The following SPG11 variants were observed in gnomAD, a reference collection of about 807,000 sequenced individuals.
SPG11 encodes SPG11 vesicle trafficking associated, spatacsin.
In SPG11, 222 loss-of-function variants were observed where a neutral mutation model predicts 274.0. The ratio of observed to expected loss-of-function variants is 0.81; its 90% CI spans 0.73 to 0.91. The LOEUF (loss-of-function observed/expected upper bound fraction) is 0.91, where lower values mean the gene tolerates loss of function less well. Ranked by LOEUF, SPG11 falls within the 40% of genes least tolerant of loss-of-function variation. The pLI is 0.00. For synonymous variants in SPG11, 1,144 were observed against 1,039.7 expected (o/e 1.10, Z -1.93); for missense variants, 3,114 against 2,872.7 (o/e 1.08, Z -1.92).
At chr15:44,631,388 G>A (rs2084055534) in intron 8 of SPG11, among the ~76,000 whole-genome samples, 1 of 152,146 alleles carries the variant, frequency 6.6e-6, no homozygotes, top group South Asian at 2.1e-4. Context: ...TTTACAGAGT[G>A]TCAAAGGACA....
chr15:44,626,235 CT>C, intron 11 of SPG11, 95 bp downstream of exon 11: 1 of 1,061,284 alleles, frequency 9.4e-7, no homozygotes, highest in Non-Finnish European at 1.3e-6. Flanking sequence ...ACATAAATTT[CT>C]TAGTTTATGA....
chr15:44,605,148 A>T (rs957929307), intron 20 of SPG11, among the ~76,000 whole-genome samples: 3 of 152,132 alleles, frequency 2.0e-5, no homozygotes, highest in Non-Finnish European at 2.9e-5. Context: ...AGTTGGAGCC[A>T]TCACAAGAGG....
chr15:44,584,202 G>C lies in SPG11; in HGVS notation c.5478C>G (p.Ile1826Met). Reference protein sequence around the residue: ...EETEPRFSRQISTSGELSFDS... With the variant: ...EETEPRFSRQMSTSGELSFDS... ...CAAAGGAAAGTTCACCACTAGTTGA[G>C]ATCTGTCGAGAAAATCTGGGCTCTG... Residue 1826 changes from isoleucine to methionine, a missense_variant, in exon 30 of 40, where the codon ATC (isoleucine) becomes ATG (methionine). Ile to Met is a conservative substitution (Grantham distance 10). Transcript: ENST00000261866. 6.2e-7 allele frequency: 1 copy of C among 1,614,232 alleles called. No homozygotes were observed. Among genetic ancestry groups the C allele is most frequent in the Non-Finnish European group, 8.5e-7 (1 of 1,180,038 alleles).
intron 28 of SPG11, among the ~76,000 whole-genome samples, chr15:44,587,273 A>AGGG (rs1396929068): frequency 6.6e-6 from 1 of 152,190 alleles, no homozygotes; most frequent in African/African-American, 2.4e-5. Flanking sequence ...ACCATAAGAG[A>AGGG]GGGGCATGAG....
In SPG11 at chr15:44,651,758, T is replaced by C; in HGVS notation, c.1189A>G (p.Asn397Asp). The change falls in exon 6 of 40, where the codon AAT (asparagine) becomes GAT (aspartate). Residue 397 changes from asparagine (N) to aspartate (D), a missense_variant. Transcript: ENST00000261866. The stretch of plus-strand genomic sequence containing the variant: ...TTGGCATGATCTTTCTGTAGAACAT[T>C]ATATTGCCCATGCATTATGTCCTGT... Reference protein sequence around the residue: ...IPQDIMHGQYNVLQKDHAKTS... With the variant: ...IPQDIMHGQYDVLQKDHAKTS... 6.2e-7 allele frequency: 1 copy of C among 1,614,246 alleles called. No individual in the cohort carries two copies. Among genetic ancestry groups the C allele is most frequent in the Non-Finnish European group, 8.5e-7 (1 of 1,180,046 alleles).
In SPG11 at chr15:44,622,232, T is replaced by C. The variant is rs1423255291; in HGVS notation, c.2432A>G (p.Gln811Arg). The C allele has an allele frequency of 1.2e-6, 2 of 1,612,430 alleles. No homozygotes were observed. The highest frequency in any genetic ancestry group is 1.7e-5 in the Admixed American group (1 of 59,992). Residue 811 changes from glutamine (Q) to arginine (R), a missense_variant, in exon 13 of 40, where the codon CAG (glutamine) becomes CGG (arginine). By Grantham distance (43) the Gln-to-Arg change is conservative. Coordinates refer to ENST00000261866, the MANE Select transcript of SPG11 (RefSeq NM_025137.4). ...CTAATGAGACTACCTGGGAAATGACTGGATTTGCATATTTTCTTGGAAATG... is the reference window on the plus strand; with the variant it reads ...CTAATGAGACTACCTGGGAAATGACCGGATTTGCATATTTTCTTGGAAATG... Reference protein sequence around the residue: ...LGHFQENMQIQSFPRYWIKEQ... With the variant: ...LGHFQENMQIRSFPRYWIKEQ...
At chr15:44,571,099 C>G (rs1436638139) in intron 33 of SPG11, among the ~76,000 whole-genome samples, 1 of 152,092 alleles carries the variant, frequency 6.6e-6, no homozygotes, top group Non-Finnish European at 1.5e-5. Context: ...CTGACATGTA[C>G]AGATTTAAAA....
chr15:44,660,609 A>C lies in SPG11; in HGVS notation c.265T>G (p.Trp89Gly). The change falls in exon 2 of 40, where the codon TGG (tryptophan) becomes GGG (glycine). Residue 89 changes from tryptophan (W) to glycine (G), a missense_variant. Physicochemically the swap from Trp to Gly is radical, Grantham distance 184. Coordinates refer to ENST00000261866, the MANE Select transcript of SPG11 (RefSeq NM_025137.4). ...CLEGPFWHFL[W>G]EDSRNSSTPT... ...GTGCTGCTGTTACGAGAATCCTCCC[A>C]TAGAAAGCTAAGAAAAAAAGTTTAG... 6.2e-7 allele frequency: 1 copy of C among 1,614,068 alleles called. No individual in the cohort carries two copies.
At chr15:44,587,713 A>AC (rs2082801608) in intron 28 of SPG11, among the ~76,000 whole-genome samples, 2 of 150,992 alleles carry the variant, frequency 1.3e-5, no homozygotes, top group South Asian at 2.1e-4. Context: ...AAAAAAAAAA[A>AC]AAAAAAACGT....
At chr15:44,584,934 A>G (rs550571337) in intron 29 of SPG11, among the ~76,000 whole-genome samples, 3 of 152,180 alleles carry the variant, frequency 2.0e-5, no homozygotes, top group Non-Finnish European at 4.4e-5. Flanking sequence ...TGGCCTTATC[A>G]TACTTGTTAA....
chr15:44,637,676 A>G (rs1379914681), intron 7 of SPG11, among the ~76,000 whole-genome samples: 2 of 152,250 alleles, frequency 1.3e-5, no homozygotes, highest in Non-Finnish European at 2.9e-5. Flanking sequence ...CATGTGCCAC[A>G]TAACAATATT....
At chr15:44,605,251 A>G (rs181611259) in intron 20 of SPG11, among the ~76,000 whole-genome samples, 2 of 152,326 alleles carry the variant, frequency 1.3e-5, no homozygotes, top group Admixed American at 6.5e-5. Flanking sequence ...AGCACTCAAC[A>G]AATATTTACT....
intron 1 of SPG11, among the ~76,000 whole-genome samples, chr15:44,662,310 T>G (rs2085135167): frequency 6.6e-6 from 1 of 152,086 alleles, no homozygotes; most frequent in Admixed American, 6.5e-5. Context: ...GATTCCAAGA[T>G]TAATAAGACA....
chr15:44,610,199 G>A (rs1038356788), intron 18 of SPG11, among the ~76,000 whole-genome samples: 4 of 150,962 alleles, frequency 2.6e-5, no homozygotes, highest in Non-Finnish European at 4.4e-5. Context: ...CACCGCACTC[G>A]GTCATGCCCA....
chr15:44,612,389 T>C (rs1014956979), intron 17 of SPG11, among the ~76,000 whole-genome samples: 1 of 152,170 alleles, frequency 6.6e-6, no homozygotes, highest in Non-Finnish European at 1.5e-5. Context: ...GCTATCTACC[T>C]ATGGAGGTAT....
intron 11 of SPG11, among the ~76,000 whole-genome samples, chr15:44,623,713 T>C (rs1256573942): frequency 6.6e-6 from 1 of 152,132 alleles, no homozygotes; most frequent in Admixed American, 6.6e-5. Flanking sequence ...AGAAACACTA[T>C]CTCCTCCTAA....
chr15:44,604,460 G>A (rs1440834212), intron 20 of SPG11, among the ~76,000 whole-genome samples: 4 of 152,094 alleles, frequency 2.6e-5, no homozygotes, highest in Admixed American at 6.6e-5. Flanking sequence ...TTTTTAGCAC[G>A]TTGGGGCTTA....
chr15:44,637,521 C>T (rs2084313317), intron 7 of SPG11, among the ~76,000 whole-genome samples: 1 of 152,134 alleles, frequency 6.6e-6, no homozygotes, highest in Non-Finnish European at 1.5e-5. Context: ...GGCATGTTAG[C>T]CAGGCTTGTC....
At chr15:44,644,530 C>T (rs2084550446) in intron 7 of SPG11, among the ~76,000 whole-genome samples, 1 of 152,288 alleles carries the variant, frequency 6.6e-6, no homozygotes, top group Admixed American at 6.5e-5. Flanking sequence ...AAAATGTCTA[C>T]TCTCACCACT....
Sources: allele counts gnomAD v4.1 joint callset (sites outside exome capture counted in the v4.1 genomes callset), GRCh38; gene constraint gnomAD v4.1.1; transcripts MANE v1.5; gene names NCBI Gene and HGNC (gene_info 2026-07-23, HGNC 2026-07-21).